Variants in MMRN2 observed in about 807,000 individuals in gnomAD.
The protein encoded by MMRN2 is multimerin 2.
MMRN2 carries 53 observed loss-of-function variants against 68.8 expected under a neutral mutation model. That is an observed-to-expected ratio of 0.77 (90% CI 0.62 to 0.97). The LOEUF (loss-of-function observed/expected upper bound fraction) is 0.97, where lower values mean the gene tolerates loss of function less well. Ranked by LOEUF, MMRN2 falls within the 50% of genes least tolerant of loss-of-function variation. MMRN2 has a pLI of 0.00. For synonymous variants in MMRN2, 564 were observed against 551.6 expected (o/e 1.02, Z -0.32); for missense variants, 1,266 against 1,259.5 (o/e 1.01, Z -0.08).
chr10:86,939,427 ACTCCACC>A (rs1485312573), intron 6 of MMRN2, among the ~76,000 whole-genome samples: 50 of 124,038 alleles, frequency 4.0e-4, no homozygotes, highest in Non-Finnish European at 6.2e-4. Context: ...GTGCCATTGC[ACTCCACC>A]CTGAGCGAAA....
intron 1 of MMRN2, chr10:86,945,918 C>T: frequency 1.6e-6 from 2 of 1,247,774 alleles, no homozygotes; most frequent in South Asian, 1.6e-5. Flanking sequence ...CCGAAGCCTC[C>T]CCGAGCCAGC....
In MMRN2 at chr10:86,945,409, A is replaced by G; in HGVS notation, c.361T>C (p.Cys121Arg). 1 of 1,581,532 alleles carries G rather than the reference A, an allele frequency of 6.3e-7. No individual in the cohort carries two copies. Among genetic ancestry groups the G allele is most frequent in the Non-Finnish European group, 8.6e-7 (1 of 1,162,734 alleles). The change falls in exon 3 of 7, where the codon TGC becomes CGC. Residue 121 changes from cysteine (C) to arginine (R), a missense_variant. By Grantham distance (180) the Cys-to-Arg change is radical. Transcript: ENST00000372027. Reference protein sequence around the residue: ...QKVLTSLAWRCCPGYTGPNCE... With the variant: ...QKVLTSLAWRRCPGYTGPNCE... Reference sequence around the variant, plus strand: ...TTGGGGCCCGTGTAGCCAGGGCAGCACCTCCAGGCCAAAGAGGTCAGCACC... The same window carrying G: ...TTGGGGCCCGTGTAGCCAGGGCAGCGCCTCCAGGCCAAAGAGGTCAGCACC...
rs757237069 is a variant in MMRN2, at chr10:86,942,915, A to G, written c.1869T>C (p.Ser623=). ...GGGGCAGCGGTCCCGGCGTCTGCTC[A>G]GACATCTCCTCCAGCACCTCCTCCC... ...LFGEEVLEEM[S]EQTPGPLPLS... is the part of the protein sequence containing the mutation. The change falls in exon 6 of 7, where the codon TCT becomes TCC. Residue 623 remains serine, a synonymous_variant. Coordinates refer to ENST00000372027, the MANE Select transcript of MMRN2 (RefSeq NM_024756.3). The G allele has an allele frequency of 6.7e-7, 1 of 1,491,482 alleles. No individual in the cohort carries two copies. Among genetic ancestry groups the G allele is most frequent in the East Asian group, 2.8e-5 (1 of 35,972 alleles). The allele number at this position is 1,491,482 out of a possible 1,614,324, so 92.4% of individuals were successfully genotyped here. A position where few individuals can be genotyped will look rare whatever the true frequency, so the allele number is the denominator to read the frequency against.
At chr10:86,942,059 T>C (rs925934422) in intron 6 of MMRN2, among the ~76,000 whole-genome samples, 1 of 152,156 alleles carries the variant, frequency 6.6e-6, no homozygotes, top group Non-Finnish European at 1.5e-5. Flanking sequence ...CTATTGTGCC[T>C]GTGGCCTCCA....
Position 86,943,170 on chromosome 10 carries a change from G to A in MMRN2, c.1614C>T (p.Asn538=). The A allele has an allele frequency of 6.2e-7, 1 of 1,606,040 alleles. No individual in the cohort carries two copies. Among genetic ancestry groups the A allele is most frequent in the Non-Finnish European group, 8.5e-7 (1 of 1,176,598 alleles). The change falls in exon 6 of 7, where the codon AAC becomes AAT. Residue 538 remains asparagine (N), a synonymous_variant. Transcript: ENST00000372027. This position sits in a 1 kb window ranked among gnomAD's most constrained non-coding sequence, Gnocchi z 4.2. The part of the protein sequence containing the change: ...LDGSSLQALQ[N]AVDAVSLAVD... Reference sequence around the variant, plus strand: ...CGGCCAGCGACACGGCGTCCACGGCGTTCTGCAGGGCCTGCAGGGAGGAGC... The same window carrying A: ...CGGCCAGCGACACGGCGTCCACGGCATTCTGCAGGGCCTGCAGGGAGGAGC...
At position 86,943,402 on chromosome 10, in the gene MMRN2, T is replaced by C. The variant is rs1018135443; in HGVS notation, c.1382A>G (p.Lys461Arg). The stretch of plus-strand genomic sequence containing the variant: ...CAGGAGCTGCCGCTCCACCTCCTCC[T>C]TGTTCTCCTCCATGATCAGAGACTT... ...MEKSLIMEEN[K>R]EEVERQLLEL... The change falls in exon 6 of 7, where the codon AAG (lysine) becomes AGG (arginine). Residue 461 changes from lysine (K) to arginine (R), a missense_variant. Transcript: ENST00000372027. This position sits in a 1 kb window ranked among gnomAD's most constrained non-coding sequence, Gnocchi z 4.2. 6.2e-7 allele frequency: 1 copy of C among 1,614,076 alleles called. No individual in the cohort carries two copies. The highest frequency in any genetic ancestry group is 8.5e-7 in the Non-Finnish European group (1 of 1,179,990).
chr10:86,943,266 C>T lies in MMRN2; in HGVS notation c.1518G>A (p.Glu506=), dbSNP rs1844005880. Reference sequence around the variant, plus strand: ...GGGCACGCGTGGCGTCCCTCTGGCCCTCCCGGATGACGTCCAGGTCTAAAT... The same window carrying T: ...GGGCACGCGTGGCGTCCCTCTGGCCTTCCCGGATGACGTCCAGGTCTAAAT... ...KLYLDLDVIR[E]GQRDATRALE... Residue 506 remains glutamate (E), a synonymous_variant, in exon 6 of 7, where the codon GAG becomes GAA. Coordinates refer to ENST00000372027, the MANE Select transcript of MMRN2 (RefSeq NM_024756.3). This position sits in a 1 kb window ranked among gnomAD's most constrained non-coding sequence, Gnocchi z 4.2. 6.2e-7 allele frequency: 1 copy of T among 1,613,460 alleles called. No individual in the cohort carries two copies. The highest frequency in any genetic ancestry group is 8.5e-7 in the Non-Finnish European group (1 of 1,179,988).
chr10:86,951,550 A>G (rs975399280), intron 1 of MMRN2, among the ~76,000 whole-genome samples: 1 of 152,242 alleles, frequency 6.6e-6, no homozygotes, highest in Admixed American at 6.5e-5. Context: ...ATTGTACCAC[A>G]AAAGAAGTCA....
chr10:86,942,666 G>T lies in MMRN2; in HGVS notation c.2118C>A (p.Asn706Lys). ...AGCACCGCCCGACATTCTTGACGTC[G>T]TTGCTCAGGCTCTGGAGCTCCCGCG... ...GLARELQSLSNDVKNVGRCCE... is the reference protein window; with the variant it reads ...GLARELQSLSKDVKNVGRCCE... The change falls in exon 6 of 7, where the codon AAC (asparagine) becomes AAA (lysine). Residue 706 changes from asparagine to lysine, a missense_variant. Transcript: ENST00000372027. 6.3e-7 allele frequency: 1 copy of T among 1,594,108 alleles called. No individual in the cohort carries two copies. Among genetic ancestry groups the T allele is most frequent in the Non-Finnish European group, 8.5e-7 (1 of 1,177,188 alleles).
rs112689440 is a variant in MMRN2, at chr10:86,945,770, G to A, written c.165-81C>T. The stretch of plus-strand genomic sequence containing the variant: ...TGCCAGTGCAGAGCCACCGGTCCTC[G>A]CCTCCTGCCGGAGCAGTGCTGGGAT... On this transcript the variant is annotated intron_variant, in intron 1 of 6. Coordinates refer to ENST00000372027, the MANE Select transcript of MMRN2 (RefSeq NM_024756.3). 4.9e-4 allele frequency: 788 copies of A among 1,599,814 alleles called. 1 individual carries two copies. The highest frequency in any genetic ancestry group is 4.5e-3 in the Middle Eastern group (25 of 5,590).
intron 6 of MMRN2, among the ~76,000 whole-genome samples, chr10:86,937,563 A>G (rs1196663560): frequency 6.6e-6 from 1 of 151,980 alleles, no homozygotes. Flanking sequence ...TTGGGCTTGC[A>G]GGTGAGCCAC....
intron 1 of MMRN2, among the ~76,000 whole-genome samples, chr10:86,956,173 C>T (rs552122000): frequency 4.0e-5 from 6 of 151,480 alleles, no homozygotes; most frequent in Non-Finnish European, 8.8e-5. Flanking sequence ...GCCCCACCAC[C>T]GAGAATCACC....
intron 1 of MMRN2, among the ~76,000 whole-genome samples, chr10:86,954,754 C>A (rs1048073639): frequency 6.9e-6 from 1 of 144,268 alleles, no homozygotes; most frequent in South Asian, 2.3e-4. Flanking sequence ...AACCCCTGAG[C>A]GTGGTTCTGG....
intron 6 of MMRN2, 61 bp from the exon 7 acceptor site, chr10:86,937,186 A>G: frequency 6.4e-7 from 1 of 1,570,498 alleles, no homozygotes; most frequent in Non-Finnish European, 8.7e-7. Flanking sequence ...TGGGAAATTA[A>G]ACCCTGAGAC....
rs1403870964 is a variant in MMRN2 at position 86,944,118 on chromosome 10, A to G, written c.666T>C (p.Asp222=). The change falls in exon 6 of 7, where the codon GAT becomes GAC. Residue 222 remains aspartate (D), a synonymous_variant. Transcript: ENST00000372027. ...GTAGCAGCACCTGCTCCAAGGATCT[A>G]TCAGGGAACTCTGCAACAGACATGT... ...EANQTGHEFP[D]RSLEQVLLPH... is the part of the protein sequence containing the mutation. 4.3e-6 allele frequency: 7 copies of G among 1,613,308 alleles called. No homozygotes were observed. The highest frequency in any genetic ancestry group is 3.3e-5 in the South Asian group (3 of 91,072).
Position 86,942,765 on chromosome 10 carries a change from C to A in MMRN2, c.2019G>T (p.Arg673=). The change falls in exon 6 of 7, where the codon CGG becomes CGT. Residue 673 remains arginine (R), a synonymous_variant. Transcript: ENST00000372027. The stretch of plus-strand genomic sequence containing the variant: ...GGCTGGGCTCCAGGTGCTCTGCCGG[C>A]CGCGGGGGCTCCGAGGCCTGCTCCA... The part of the protein sequence containing the change: ...TALEQASEPP[R]PAEHLEPSHD... 1 of 1,373,776 alleles carries A rather than the reference C, an allele frequency of 7.3e-7. No homozygotes were observed. The highest frequency in any genetic ancestry group is 9.3e-7 in the Non-Finnish European group (1 of 1,070,278). The allele number at this position is 1,373,776 out of a possible 1,614,324, so 85.1% of individuals were successfully genotyped here. A position where few individuals can be genotyped will look rare whatever the true frequency, so the allele number is the denominator to read the frequency against.
chr10:86,953,261 T>C (rs1339241464), intron 1 of MMRN2, among the ~76,000 whole-genome samples: 1 of 152,140 alleles, frequency 6.6e-6, no homozygotes, highest in African/African-American at 2.4e-5. Flanking sequence ...GATTAAGAGA[T>C]TAAAGCAAGA....
chr10:86,942,376 A>G lies in MMRN2; in HGVS notation c.2408T>C (p.Val803Ala), dbSNP rs547343280. 2.5e-6 allele frequency: 4 copies of G among 1,613,974 alleles called. No homozygotes were observed. Among genetic ancestry groups the G allele is most frequent in the Non-Finnish European group, 3.4e-6 (4 of 1,180,000 alleles). The change falls in exon 6 of 7, where the codon GTG becomes GCG. Residue 803 changes from valine (V) to alanine (A), a missense_variant. Transcript: ENST00000372027. ...KRDKKEAEPL[V>A]DIRVTGPVPG... ...CACAGGCCCTGTGACCCGTATGTCCACCAAAGGCTCCGCTTCCTTCTTGTC... is the reference window on the plus strand; with the variant it reads ...CACAGGCCCTGTGACCCGTATGTCCGCCAAAGGCTCCGCTTCCTTCTTGTC...
At chr10:86,941,535 C>T (rs959574782) in intron 6 of MMRN2, among the ~76,000 whole-genome samples, 1 of 152,090 alleles carries the variant, frequency 6.6e-6, no homozygotes, top group African/African-American at 2.4e-5. Flanking sequence ...ACATGGCTCA[C>T]ACCTGTAATC....
Sources: allele counts gnomAD v4.1 joint callset (sites outside exome capture counted in the v4.1 genomes callset), GRCh38; gene constraint gnomAD v4.1.1; non-coding constraint Gnocchi (gnomAD v3.1); transcripts MANE v1.5; gene names NCBI Gene and HGNC (gene_info 2026-07-23, HGNC 2026-07-21).